DCDC1: variants seen among roughly 807,000 people sequenced by gnomAD.
DCDC1 encodes the protein doublecortin domain containing 1.
DCDC1 carries 200 observed loss-of-function variants against 178.3 expected under a neutral mutation model. The observed-to-expected ratio is 1.12, with a 90% CI of 1.00 to 1.26. The LOEUF is 1.26. Ranked by LOEUF, DCDC1 falls within the 50% of genes most tolerant of loss-of-function variation. The pLI is 0.00. For missense variants in DCDC1, 1,983 were observed against 1,749.2 expected (o/e 1.13, Z -2.38); for synonymous variants, 690 against 604.8 (o/e 1.14, Z -2.07).
chr11:30,967,768 T>C (rs747802426), intron 20 of DCDC1, among the ~76,000 whole-genome samples: 5 of 152,158 alleles, frequency 3.3e-5, no homozygotes, highest in Non-Finnish European at 7.3e-5. Flanking sequence ...TTAAAGTCTA[T>C]AGATAGTCTA....
chr11:31,181,454 C>T (rs1222277193), intron 9 of DCDC1, among the ~76,000 whole-genome samples: 1 of 152,194 alleles, frequency 6.6e-6, no homozygotes. Context: ...ACAGACACCA[C>T]ATACAGGAGG....
intron 1 of DCDC1, among the ~76,000 whole-genome samples, chr11:31,366,713 T>C (rs1951975619): frequency 2.0e-5 from 3 of 152,294 alleles, no homozygotes; most frequent in South Asian, 2.1e-4. Context: ...ACTGAGACAA[T>C]GATTATTGTC....
intron 17 of DCDC1, among the ~76,000 whole-genome samples, chr11:31,086,163 A>G (rs571916665): frequency 6.6e-6 from 1 of 152,330 alleles, no homozygotes; most frequent in South Asian, 2.1e-4. Flanking sequence ...ATTTTAGGAA[A>G]GTATCAACTG....
At chr11:30,967,320 T>A (rs1949492645) in intron 20 of DCDC1, among the ~76,000 whole-genome samples, 2 of 151,150 alleles carry the variant, frequency 1.3e-5, no homozygotes, top group Non-Finnish European at 2.9e-5. Flanking sequence ...GTCCTTCACA[T>A]CCCTTGTAAG....
chr11:30,874,970 G>A (rs75243741), intron 38 of DCDC1, among the ~76,000 whole-genome samples: 11 of 152,220 alleles, frequency 7.2e-5, no homozygotes, highest in East Asian at 1.9e-4. Context: ...AGAATTTCTC[G>A]TCTCCTTTCT....
chr11:31,037,692 T>C (rs1422173834), intron 20 of DCDC1, among the ~76,000 whole-genome samples: 1 of 152,084 alleles, frequency 6.6e-6, no homozygotes, highest in Non-Finnish European at 1.5e-5. Flanking sequence ...CTCGATCTCC[T>C]GACCTCGTGA....
intron 7 of DCDC1, among the ~76,000 whole-genome samples, chr11:31,281,350 C>T: frequency 6.6e-6 from 1 of 152,082 alleles, no homozygotes. Context: ...ACAGTTCAGT[C>T]TTTCATCATT....
At chr11:30,912,688 T>C (rs1015363005) in intron 27 of DCDC1, among the ~76,000 whole-genome samples, 4 of 152,172 alleles carry the variant, frequency 2.6e-5, no homozygotes, top group African/African-American at 9.7e-5. Flanking sequence ...TGCAATTCAG[T>C]GGAATGGAAC....
intron 20 of DCDC1, among the ~76,000 whole-genome samples, chr11:31,013,299 A>C (rs1024793111): frequency 4.6e-5 from 7 of 152,186 alleles, no homozygotes; most frequent in African/African-American, 1.7e-4. Context: ...TAATATTCAT[A>C]ATAAAGACAT....
intron 9 of DCDC1, among the ~76,000 whole-genome samples, chr11:31,179,127 T>C (rs1306946682): frequency 3.3e-5 from 5 of 152,138 alleles, no homozygotes; most frequent in African/African-American, 4.8e-5. Context: ...AAACTCACAA[T>C]GATATATACC....
intron 9 of DCDC1, among the ~76,000 whole-genome samples, chr11:31,138,069 A>G (rs1208396772): frequency 1.3e-5 from 2 of 151,008 alleles, no homozygotes; most frequent in Non-Finnish European, 2.9e-5. Context: ...TTTTTAAAGC[A>G]CTTCATTAAA....
chr11:31,087,929 C>G (rs954398772), intron 17 of DCDC1, among the ~76,000 whole-genome samples: 6 of 152,142 alleles, frequency 3.9e-5, no homozygotes, highest in Admixed American at 2.0e-4. Flanking sequence ...TTGTTGCTCA[C>G]TAGAGTTTTA....
chr11:31,099,154 T>C (rs909194711), intron 15 of DCDC1, among the ~76,000 whole-genome samples: 9 of 152,180 alleles, frequency 5.9e-5, no homozygotes, highest in African/African-American at 1.9e-4. Flanking sequence ...TGCTATCCAA[T>C]TGTTTTTAGG....
chr11:30,910,550 A>T (rs1945369383), intron 28 of DCDC1, among the ~76,000 whole-genome samples: 1 of 152,228 alleles, frequency 6.6e-6, no homozygotes, highest in Non-Finnish European at 1.5e-5. Context: ...AACAAATGTT[A>T]TCTGGAGGCA....
intron 19 of DCDC1, 27 bp from the exon 20 acceptor site, chr11:31,064,653 T>C: frequency 6.6e-6 from 5 of 763,236 alleles, no homozygotes; most frequent in Non-Finnish European, 1.2e-5. Flanking sequence ...AGGAATCATG[T>C]AGCTAATTTT....
intron 9 of DCDC1, among the ~76,000 whole-genome samples, chr11:31,187,141 G>A (rs182011965): frequency 6.6e-6 from 1 of 152,290 alleles, no homozygotes; most frequent in East Asian, 1.9e-4. Flanking sequence ...GAACTTGTTT[G>A]AGAACACTTT....
At position 31,307,966 on chromosome 11, in the gene DCDC1, A is replaced by G; in HGVS notation, c.165-58T>C. 1.9e-6 allele frequency: 3 copies of G among 1,595,608 alleles called. No homozygotes were observed. The Admixed American group carries it at 5.1e-5, about 27-fold the overall frequency. Reference sequence around the variant, plus strand: ...AATTGATTTGTAATCATTTATTAACAAATACCATATAATAACGAGTTGTGT... The same window carrying G: ...AATTGATTTGTAATCATTTATTAACGAATACCATATAATAACGAGTTGTGT... On this transcript the variant is annotated intron_variant, in intron 3 of 38. Coordinates refer to ENST00000684477, the MANE Select transcript of DCDC1 (RefSeq NM_001387274.1).
intron 21 of DCDC1, among the ~76,000 whole-genome samples, chr11:30,950,289 G>A (rs1011390967): frequency 6.6e-6 from 1 of 152,106 alleles, no homozygotes; most frequent in Non-Finnish European, 1.5e-5. Flanking sequence ...CAGTGTGGAG[G>A]TTCCTCCAAA....
At chr11:30,986,903 A>T (rs886713437) in intron 20 of DCDC1, among the ~76,000 whole-genome samples, 4 of 152,208 alleles carry the variant, frequency 2.6e-5, no homozygotes, top group African/African-American at 9.7e-5. Flanking sequence ...CATCAAAGAG[A>T]ATGGTATTCT....
Sources: gnomAD v4.1 joint callset for allele counts (sites outside exome capture counted in the v4.1 genomes callset) on GRCh38, gnomAD v4.1.1 for gene constraint, MANE v1.5 for transcripts, NCBI Gene and HGNC (gene_info 2026-07-23, HGNC 2026-07-21) for gene names.